The following NUP160 variants were observed in gnomAD, a reference collection of about 807,000 sequenced individuals.
NUP160 encodes the protein nuclear pore complex protein Nup160.
NUP160 carries 94 observed loss-of-function variants against 196.9 expected under a neutral mutation model. That is an observed-to-expected ratio of 0.48 (90% confidence interval 0.40 to 0.57). The LOEUF is 0.57. Ranked by LOEUF, NUP160 falls within the 20% of genes least tolerant of loss-of-function variation. NUP160 has a pLI of 0.00. For synonymous variants in NUP160, 605 were observed against 619.7 expected, an observed-to-expected ratio of 0.98 and a Z score of 0.35; for missense variants, 1,638 against 1,748.3, an observed-to-expected ratio of 0.94 and a Z score of 1.13.
intron 5 of NUP160, among the ~76,000 whole-genome samples, chr11:47,837,223 T>C (rs1459130916): frequency 6.6e-6 from 1 of 152,218 alleles, no homozygotes; most frequent in African/African-American, 2.4e-5. Context: ...CTGTTTCCTT[T>C]TATATTGTTT....
intron 10 of NUP160, among the ~76,000 whole-genome samples, chr11:47,818,716 T>TA (rs1851791904): frequency 6.6e-6 from 1 of 152,114 alleles, no homozygotes. Context: ...TTTCCTTCCT[T>TA]CTACTGAGAT....
Position 47,824,829 on chromosome 11 carries a change from G to T in NUP160, c.1102-2665C>A, listed in dbSNP as rs867892201. ...TTTTTCTTTTGTTTTTTTTTTTCAC[G>T]TTAATTTAATTTAATTTATTTTTTG... On this transcript the variant is annotated intron_variant, in intron 7 of 35. Transcript: ENST00000378460. Among the ~76,000 whole-genome samples, 54 of 148,344 alleles carry T rather than the reference G, an allele frequency of 3.6e-4. 1 individual carries two copies. The highest frequency in any genetic ancestry group is 2.6e-3 in the South Asian group (12 of 4,680).
At chr11:47,784,955 C>T in exon 33 of NUP160, 1 of 1,603,952 alleles carries the variant, frequency 6.2e-7, no homozygotes, top group South Asian at 1.1e-5. Context: ...TAGGCAGAGG[C>T]ACTCCATGAG....
chr11:47,793,011 G>C, intron 27 of NUP160, 65 bp from the exon 28 acceptor site: 2 of 1,447,288 alleles, frequency 1.4e-6, no homozygotes. Context: ...TTTGGAGACA[G>C]AGTCTTGCTC....
At chr11:47,803,625 A>G in intron 21 of NUP160, 89 bp from the exon 22 acceptor site, 1 of 771,598 alleles carries the variant, frequency 1.3e-6, no homozygotes, top group South Asian at 1.5e-5. Flanking sequence ...CAGAGGATGA[A>G]AAGACAGTGT....
At chr11:47,826,462 C>A (rs1380687375) in intron 7 of NUP160, among the ~76,000 whole-genome samples, 1 of 152,158 alleles carries the variant, frequency 6.6e-6, no homozygotes, top group Non-Finnish European at 1.5e-5. Context: ...CTACTACATT[C>A]ATTCCCGATC....
intron 2 of NUP160, among the ~76,000 whole-genome samples, chr11:47,843,232 C>G (rs1852339343): frequency 6.6e-6 from 1 of 152,058 alleles, no homozygotes; most frequent in African/African-American, 2.4e-5. Flanking sequence ...CTCACAATTC[C>G]TCTCCTCCCT....
intron 21 of NUP160, 57 bp from the exon 22 acceptor site, chr11:47,803,593 C>T (rs1376749724): frequency 1.1e-6 from 1 of 905,122 alleles, no homozygotes; most frequent in Non-Finnish European, 1.8e-6. Flanking sequence ...TAAGGAGATA[C>T]TCATTCCCAA....
chr11:47,831,370 A>C (rs566059126), intron 7 of NUP160, among the ~76,000 whole-genome samples: 1 of 152,352 alleles, frequency 6.6e-6, no homozygotes, highest in South Asian at 2.1e-4. Context: ...AGTGTTGACA[A>C]GTATATAGCA....
intron 23 of NUP160, 148 bp from the exon 24 acceptor site, chr11:47,798,611 C>T (rs2097672280): frequency 3.4e-6 from 2 of 596,340 alleles, no homozygotes; most frequent in African/African-American, 1.9e-5. Context: ...GCTGAAGCAG[C>T]AGGATTGCTC....
chr11:47,790,489 G>A (rs1385927773), intron 29 of NUP160, among the ~76,000 whole-genome samples: 1 of 152,024 alleles, frequency 6.6e-6, no homozygotes, highest in Non-Finnish European at 1.5e-5. Context: ...TTGAACTCCT[G>A]ACCTGAGGTG....
At chr11:47,825,772 C>T (rs1434744150) in intron 7 of NUP160, among the ~76,000 whole-genome samples, 1 of 151,942 alleles carries the variant, frequency 6.6e-6, no homozygotes, top group Non-Finnish European at 1.5e-5. Flanking sequence ...TTAGTAGAGA[C>T]AGCGTTTTAC....
intron 27 of NUP160, chr11:47,796,344 C>T (rs1355351425): frequency 4.6e-6 from 3 of 648,214 alleles, no homozygotes; most frequent in Non-Finnish European, 8.3e-6. Context: ...TCTGTGTTTG[C>T]CCTGACAAAT....
chr11:47,833,626 C>G (rs948293008), intron 7 of NUP160, among the ~76,000 whole-genome samples: 1 of 152,170 alleles, frequency 6.6e-6, no homozygotes, highest in African/African-American at 2.4e-5. Flanking sequence ...TCTGAGTGAT[C>G]ACCAATGATA....
chr11:47,810,782 G>T (rs918025736), intron 17 of NUP160, among the ~76,000 whole-genome samples: 1 of 152,090 alleles, frequency 6.6e-6, no homozygotes, highest in Non-Finnish European at 1.5e-5. Flanking sequence ...CTGGCCTCAA[G>T]TGATCTGCCC....
intron 14 of NUP160, 69 bp downstream of exon 14, chr11:47,813,247 T>A: frequency 8.3e-7 from 1 of 1,207,490 alleles, no homozygotes; most frequent in South Asian, 1.3e-5. Flanking sequence ...ATTTTTTGTA[T>A]CCATGTGAAA....
intron 27 of NUP160, among the ~76,000 whole-genome samples, chr11:47,793,202 G>C (rs573138816): frequency 1.3e-5 from 2 of 152,114 alleles, no homozygotes; most frequent in Admixed American, 1.3e-4. Flanking sequence ...CACCATGTTG[G>C]TCTCGAATTT....
At chr11:47,812,858 GC>G (rs1452949070) in intron 15 of NUP160, 23 bp downstream of exon 15, 16 of 1,582,118 alleles carry the variant, frequency 1.0e-5, no homozygotes, top group Admixed American at 5.5e-5. Flanking sequence ...ATTAGGAAAT[GC>G]ACTTTACCCT....
chr11:47,841,515 C>T (rs1202594509), intron 2 of NUP160: 1 of 407,488 alleles, frequency 2.5e-6, no homozygotes, highest in Non-Finnish European at 4.9e-6. Flanking sequence ...TGCTCACTGG[C>T]CACCACATGG....
Sources: allele counts gnomAD v4.1 joint callset (sites outside exome capture counted in the v4.1 genomes callset), GRCh38; gene constraint gnomAD v4.1.1; transcripts MANE v1.5; gene names NCBI Gene and HGNC (gene_info 2026-07-23, HGNC 2026-07-21).